Variants in IL31RA observed in about 807,000 individuals in gnomAD.
The protein encoded by IL31RA is interleukin-31 receptor subunit alpha.
A neutral mutation model predicts 83.7 loss-of-function variants in IL31RA; 66 were observed. That is an observed-to-expected ratio of 0.79 (90% CI 0.65 to 0.97). The LOEUF is 0.97. IL31RA is among the 50% of genes least tolerant of loss of function. IL31RA has a pLI of 0.00. For missense variants in IL31RA, 798 were observed against 919.4 expected (o/e 0.87, Z 1.71); for synonymous variants, 325 against 329.0 (o/e 0.99, Z 0.13).
At chr5:55,840,321 C>G in the IL31RA span, among the ~76,000 whole-genome samples, 2 of 152,126 alleles carry the variant, frequency 1.3e-5, no homozygotes, top group African/African-American at 4.8e-5. Flanking sequence ...TCTGGAGAAC[C>G]TGTTGTTAAA....
chr5:55,854,813 T>C (rs1745260686), intron 1 of IL31RA, among the ~76,000 whole-genome samples: 1 of 150,992 alleles, frequency 6.6e-6, no homozygotes, highest in African/African-American at 2.4e-5. Flanking sequence ...ATAGAAAATA[T>C]AAAAATATCT....
rs147151358 is a variant in IL31RA at position 55,903,727 on chromosome 5, T to C, written c.1070-2379T>C. ...GCCAGGATTTGTGGGCAATCATTTT[T>C]TAAAAAAGTGCCTCCAGGGAGATGA... is the stretch of plus-strand genomic sequence containing the variant. On this transcript the variant is annotated intron_variant, in intron 8 of 14. Coordinates refer to ENST00000652347, the MANE Select transcript of IL31RA (RefSeq NM_139017.7). The surrounding 1 kb of genome is among the most constrained non-coding windows in gnomAD (Gnocchi z 4.7). Among the ~76,000 whole-genome samples, 249 of 152,264 alleles carry C rather than the reference T, an allele frequency of 1.6e-3. 1 individual carries two copies. In the Middle Eastern group the frequency reaches 0.017, roughly 10 times the overall value.
chr5:55,851,358 C>G lies in IL31RA; in HGVS notation c.-213C>G. On this transcript the variant is annotated 5_prime_UTR_variant, in exon 1 of 15. Transcript: ENST00000652347. ...ACACACATATTTTCTCCATGAGGCA[C>G]AGCCTCCTTCTGCTTAGGAACACCA... 1.4e-6 allele frequency: 1 copy of G among 720,004 alleles called. No individual in the cohort carries two copies. The highest frequency in any genetic ancestry group is 2.6e-5 in the Admixed American group (1 of 38,992). 44.6% of individuals were successfully genotyped at this position (720,004 alleles called of 1,614,324 possible). A position where few individuals can be genotyped will look rare whatever the true frequency, so the allele number is the denominator to read the frequency against.
At chr5:55,896,091 C>G (rs1748314008) in intron 6 of IL31RA, among the ~76,000 whole-genome samples, 2 of 152,092 alleles carry the variant, frequency 1.3e-5, no homozygotes, top group South Asian at 4.1e-4. Flanking sequence ...ACAATGGGGC[C>G]TATTATACTT....
chr5:55,881,591 C>T (rs1245795438), intron 4 of IL31RA, among the ~76,000 whole-genome samples: 7 of 152,020 alleles, frequency 4.6e-5, no homozygotes, highest in Non-Finnish European at 7.4e-5. Context: ...TGGAGTCGTA[C>T]GCATGCTCAA....
chr5:55,907,242 G>A (rs937096412), intron 9 of IL31RA, 117 bp from the exon 10 acceptor site: 2 of 703,036 alleles, frequency 2.8e-6, no homozygotes, highest in East Asian at 2.7e-5. Flanking sequence ...TTCCAGAGGT[G>A]GAAACTGTAG....
intron 12 of IL31RA, among the ~76,000 whole-genome samples, chr5:55,910,960 C>G (rs1414392974): frequency 6.6e-6 from 1 of 152,222 alleles, no homozygotes; most frequent in African/African-American, 2.4e-5. Context: ...ATGCCAACTT[C>G]AGTCTTAGCA....
rs1488530925 is a variant in IL31RA at position 55,918,632 on chromosome 5, C to T, written c.*1512C>T. ...CCTCTGGGTCATGTATTTGTCCGGC[C>T]GTGTTTTTGTCTCTGGCCTCGTGTG... On this transcript the variant is annotated 3_prime_UTR_variant, in exon 15 of 15. Transcript: ENST00000652347. Among the ~76,000 whole-genome samples the T allele has an allele frequency of 1.3e-5, 2 of 152,080 alleles. No individual in the cohort carries two copies. The highest frequency in any genetic ancestry group is 2.1e-4 in the South Asian group (1 of 4,822).
chr5:55,914,737 G>T, intron 13 of IL31RA, 110 bp from the exon 14 acceptor site: 1 of 838,976 alleles, frequency 1.2e-6, no homozygotes. Context: ...CCCTTATTTA[G>T]GAGGGAAACT....
chr5:55,904,961 C>T (rs1046627475), intron 8 of IL31RA, among the ~76,000 whole-genome samples: 1 of 151,242 alleles, frequency 6.6e-6, no homozygotes, highest in South Asian at 2.1e-4. Context: ...TTTGGGAGAC[C>T]GACTGAGCTG....
chr5:55,849,823 GC>G (rs1180543931), upstream of IL31RA, among the ~76,000 whole-genome samples: 1 of 152,114 alleles, frequency 6.6e-6, no homozygotes, highest in Non-Finnish European at 1.5e-5. Flanking sequence ...GTTTTTGGGA[GC>G]CCATTTTTCC....
At chr5:55,882,512 A>C (rs1747303331) in intron 4 of IL31RA, among the ~76,000 whole-genome samples, 1 of 152,206 alleles carries the variant, frequency 6.6e-6, no homozygotes, top group African/African-American at 2.4e-5. Context: ...GATGATTTTT[A>C]GTTTTTCTTT....
At chr5:55,900,950 G>A (rs2112530165) in intron 8 of IL31RA, among the ~76,000 whole-genome samples, 1 of 152,152 alleles carries the variant, frequency 6.6e-6, no homozygotes, top group Admixed American at 6.5e-5. Context: ...TAGAGCAGGT[G>A]TGCAGTAACT....
At chr5:55,865,974 C>A (rs553921010) in intron 2 of IL31RA, among the ~76,000 whole-genome samples, 19 of 152,274 alleles carry the variant, frequency 1.2e-4, no homozygotes, top group Non-Finnish European at 2.5e-4. Flanking sequence ...GTGGTCTGAT[C>A]CCCCTCTGCC....
At chr5:55,857,834 T>C (rs1292302358) in intron 1 of IL31RA, among the ~76,000 whole-genome samples, 1 of 152,206 alleles carries the variant, frequency 6.6e-6, no homozygotes, top group Admixed American at 6.5e-5. Flanking sequence ...GTCAGAGATG[T>C]GCTCTTCTTT....
At chr5:55,901,321 A>C (rs895272800) in intron 8 of IL31RA, among the ~76,000 whole-genome samples, 4 of 152,122 alleles carry the variant, frequency 2.6e-5, no homozygotes, top group Admixed American at 2.6e-4. Context: ...TAGTAACCTC[A>C]GTTTCCCAGT....
chr5:55,912,587 A>G (rs1749559401), intron 12 of IL31RA, among the ~76,000 whole-genome samples: 1 of 152,210 alleles, frequency 6.6e-6, no homozygotes, highest in Non-Finnish European at 1.5e-5. Context: ...ACTCAAGGCC[A>G]GGAGTTCAAG....
upstream of IL31RA, among the ~76,000 whole-genome samples, chr5:55,849,701 G>A (rs185364230): frequency 7.6e-4 from 116 of 152,230 alleles, no homozygotes; most frequent in African/African-American, 2.5e-3. Context: ...TGAGCCTGGC[G>A]TCTGCCACTC....
chr5:55,886,268 C>CTTGCTCTTTTTTTTT (rs1235138364), intron 5 of IL31RA, among the ~76,000 whole-genome samples: 1 of 71,508 alleles, frequency 1.4e-5, no homozygotes, highest in African/African-American at 7.3e-5. Flanking sequence ...TGCTTGCTTG[C>CTTGCTCTTTTTTTTT]TTTTTTTTTT....
Sources: gnomAD v4.1 joint callset for allele counts (sites outside exome capture counted in the v4.1 genomes callset) on GRCh38, gnomAD v4.1.1 for gene constraint, Gnocchi (gnomAD v3.1) non-coding constraint, MANE v1.5 for transcripts, NCBI Gene and HGNC (gene_info 2026-07-23, HGNC 2026-07-21) for gene names.